LRRTM4: variants seen among roughly 807,000 people sequenced by gnomAD.
LRRTM4 encodes leucine rich repeat transmembrane neuronal 4, also known as leucine-rich repeat transmembrane neuronal protein 4.
Under a neutral mutation model 47.6 loss-of-function variants are expected in LRRTM4, and 25 were observed. The ratio of observed to expected loss-of-function variants is 0.53; its 90% CI spans 0.38 to 0.73. LRRTM4 has a LOEUF of 0.73. Ranked by LOEUF, LRRTM4 falls within the 30% of genes least tolerant of loss-of-function variation. LRRTM4 has a pLI of 0.00. For missense variants in LRRTM4, 638 were observed against 713.4 expected, an observed-to-expected ratio of 0.89 and a Z score of 1.20; for synonymous variants, 311 against 269.5, an observed-to-expected ratio of 1.15 and a Z score of -1.51.
intron 3 of LRRTM4, among the ~76,000 whole-genome samples, chr2:76,852,999 C>A (rs930608184): frequency 6.6e-6 from 1 of 151,968 alleles, no homozygotes; most frequent in Admixed American, 6.6e-5. Context: ...AGGAAAAGGG[C>A]CTGATTCTGT....
intron 3 of LRRTM4, among the ~76,000 whole-genome samples, chr2:77,347,866 A>G (rs561731302): frequency 6.6e-6 from 1 of 152,162 alleles, no homozygotes; most frequent in East Asian, 1.9e-4. Flanking sequence ...TATCTACATC[A>G]TCTATTTCTT....
intron 3 of LRRTM4, among the ~76,000 whole-genome samples, chr2:77,250,688 C>G (rs937862592): frequency 6.6e-6 from 1 of 152,146 alleles, no homozygotes; most frequent in African/African-American, 2.4e-5. Flanking sequence ...AAGGCTTAAG[C>G]ACATGGGTTT....
intron 3 of LRRTM4, among the ~76,000 whole-genome samples, chr2:77,411,839 A>T (rs1045326544): frequency 1.3e-5 from 2 of 151,822 alleles, no homozygotes; most frequent in South Asian, 4.2e-4. Flanking sequence ...TAGACAATTT[A>T]AAAAAGGCAG....
intron 3 of LRRTM4, among the ~76,000 whole-genome samples, chr2:76,978,841 T>C (rs889538992): frequency 2.0e-4 from 31 of 152,032 alleles, no homozygotes; most frequent in African/African-American, 7.2e-4. Context: ...TGCAGAACAA[T>C]GCAGTGTCTT....
chr2:76,855,309 G>A (rs930682324), intron 3 of LRRTM4, among the ~76,000 whole-genome samples: 43 of 152,268 alleles, frequency 2.8e-4, no homozygotes, highest in Middle Eastern at 3.4e-3. Context: ...GACAAAGATG[G>A]ATAATTATGA....
chr2:77,329,899 A>G (rs1670906300), intron 3 of LRRTM4, among the ~76,000 whole-genome samples: 1 of 152,196 alleles, frequency 6.6e-6, no homozygotes, highest in South Asian at 2.1e-4. Context: ...GGGGTAGACA[A>G]GAGTCCCATC....
At chr2:77,015,396 G>T (rs1409603933) in intron 3 of LRRTM4, among the ~76,000 whole-genome samples, 1 of 152,006 alleles carries the variant, frequency 6.6e-6, no homozygotes, top group Admixed American at 6.6e-5. Flanking sequence ...GAGTGCAGTG[G>T]TGCGATCTTA....
At chr2:77,171,301 G>C (rs975574851) in intron 3 of LRRTM4, among the ~76,000 whole-genome samples, 2 of 151,834 alleles carry the variant, frequency 1.3e-5, no homozygotes, top group Admixed American at 6.6e-5. Flanking sequence ...TTTTGAGATG[G>C]AGTCTACCTC....
chr2:77,238,980 T>C (rs1254263312), intron 3 of LRRTM4, among the ~76,000 whole-genome samples: 1 of 151,886 alleles, frequency 6.6e-6, no homozygotes, highest in Non-Finnish European at 1.5e-5. Flanking sequence ...CATAAGTATA[T>C]AAACCTACAA....
chr2:76,831,666 G>A (rs1230443652), intron 3 of LRRTM4, among the ~76,000 whole-genome samples: 2 of 152,108 alleles, frequency 1.3e-5, no homozygotes, highest in African/African-American at 2.4e-5. Flanking sequence ...AAACCATGGT[G>A]TAATGAATAT....
chr2:77,095,236 A>G (rs1670773758), intron 3 of LRRTM4, among the ~76,000 whole-genome samples: 1 of 152,208 alleles, frequency 6.6e-6, no homozygotes. Context: ...TAGAATGTCT[A>G]CTATCAAAAA....
intron 3 of LRRTM4, among the ~76,000 whole-genome samples, chr2:77,123,331 C>T (rs1671568396): frequency 6.6e-6 from 1 of 151,850 alleles, no homozygotes; most frequent in South Asian, 2.1e-4. Flanking sequence ...TCCTATTGAA[C>T]TCCATTTAAT....
intron 3 of LRRTM4, among the ~76,000 whole-genome samples, chr2:77,316,349 A>T (rs1055960590): frequency 1.1e-4 from 16 of 152,174 alleles, no homozygotes; most frequent in African/African-American, 3.9e-4. Context: ...TTATGAAAAG[A>T]CTTTGCTAAT....
At chr2:76,876,298 G>A (rs1368782557) in intron 3 of LRRTM4, among the ~76,000 whole-genome samples, 2 of 151,978 alleles carry the variant, frequency 1.3e-5, no homozygotes, top group South Asian at 2.1e-4. Context: ...TAAAGTACCA[G>A]GCATAATGCT....
chr2:77,368,815 T>C (rs1357833146), intron 3 of LRRTM4, among the ~76,000 whole-genome samples: 1 of 151,798 alleles, frequency 6.6e-6, no homozygotes, highest in South Asian at 2.1e-4. Flanking sequence ...GGAGTATAGC[T>C]ATCTTTATGA....
At chr2:76,876,618 G>C (rs996039706) in intron 3 of LRRTM4, among the ~76,000 whole-genome samples, 2 of 151,950 alleles carry the variant, frequency 1.3e-5, no homozygotes, top group Non-Finnish European at 2.9e-5. Context: ...ATAGAAAGTA[G>C]AGCATAATTC....
chr2:77,226,483 T>C (rs909909065), intron 3 of LRRTM4, among the ~76,000 whole-genome samples: 2 of 151,076 alleles, frequency 1.3e-5, no homozygotes, highest in Non-Finnish European at 3.0e-5. Flanking sequence ...TTGGTGTTTG[T>C]TTTCTGTCTC....
intron 3 of LRRTM4, among the ~76,000 whole-genome samples, chr2:77,148,845 C>G (rs1489416550): frequency 6.6e-6 from 1 of 152,104 alleles, no homozygotes; most frequent in Non-Finnish European, 1.5e-5. Context: ...AACCTCGCAG[C>G]AGAAATCCTT....
chr2:77,474,352 C>G (rs1003940631), intron 3 of LRRTM4, among the ~76,000 whole-genome samples: 1 of 151,824 alleles, frequency 6.6e-6, no homozygotes, highest in Non-Finnish European at 1.5e-5. Context: ...TTTAGTAGTC[C>G]ATTTTTTTTT....
Sources: gnomAD v4.1 joint callset for allele counts (sites outside exome capture counted in the v4.1 genomes callset) on GRCh38, gnomAD v4.1.1 for gene constraint, MANE v1.5 for transcripts, NCBI Gene and HGNC (gene_info 2026-07-23, HGNC 2026-07-21) for gene names.